ANK2: variants seen among roughly 807,000 people sequenced by gnomAD.
ANK2 encodes ankyrin 2.
Under a neutral mutation model 360.5 loss-of-function variants are expected in ANK2, and 83 were observed. That is an observed-to-expected ratio of 0.23 (90% confidence interval 0.19 to 0.28). The LOEUF (loss-of-function observed/expected upper bound fraction) is 0.28, where lower values mean the gene tolerates loss of function less well. ANK2 is among the 10% of genes least tolerant of loss of function. The pLI is 1.00. For synonymous variants in ANK2, 1,740 were observed against 1,759.5 expected, an observed-to-expected ratio of 0.99 and a Z score of 0.28; for missense variants, 4,201 against 4,795.7, an observed-to-expected ratio of 0.88 and a Z score of 3.66.
rs373458662 is a variant in ANK2 at position 113,111,155 on chromosome 4, A to C, written c.84+61343A>C. On this transcript the variant is annotated intron_variant, in intron 1 of 45. Coordinates refer to ENST00000357077, the MANE Select transcript of ANK2 (RefSeq NM_001148.6). ...CATGGCTTAAATTTAGAGTCACATAAAGAATAACAATTAAAAATAGTTCTG... is the reference window on the plus strand; with the variant it reads ...CATGGCTTAAATTTAGAGTCACATACAGAATAACAATTAAAAATAGTTCTG... 7.9e-5 allele frequency among the ~76,000 whole-genome samples: 12 copies of C among 152,328 alleles called. No homozygotes were observed. The East Asian group carries it at 2.3e-3, about 29-fold the overall frequency.
chr4:113,078,587 T>A (rs1200002389), intron 1 of ANK2, among the ~76,000 whole-genome samples: 2 of 152,152 alleles, frequency 1.3e-5, no homozygotes, highest in African/African-American at 2.4e-5. Context: ...ATTCTTCTCA[T>A]CAGTCCTGTG....
chr4:113,188,030 C>G (rs1025609158), intron 2 of ANK2, among the ~76,000 whole-genome samples: 12 of 152,130 alleles, frequency 7.9e-5, no homozygotes, highest in Admixed American at 5.9e-4. Context: ...CAACATACTT[C>G]TCTACTTTAA....
At chr4:113,207,656 T>C (rs2098967721) in intron 4 of ANK2, among the ~76,000 whole-genome samples, 1 of 122,756 alleles carries the variant, frequency 8.1e-6, no homozygotes, top group Non-Finnish European at 1.7e-5. Context: ...AGAACCAAAA[T>C]GGTGATCCTT....
the ANK2 span, among the ~76,000 whole-genome samples, chr4:112,792,916 AT>A: frequency 6.6e-5 from 10 of 152,188 alleles, no homozygotes; most frequent in Non-Finnish European, 1.5e-4. Flanking sequence ...AAACATGCTT[AT>A]TATAGCATCT....
chr4:113,373,026 T>G, intron 43 of ANK2, 64 bp from the exon 44 acceptor site: 1 of 1,297,498 alleles, frequency 7.7e-7, no homozygotes, highest in Non-Finnish European at 1.1e-6. Context: ...TTATAAGCAC[T>G]TGGGAGTAGT....
At position 112,969,833 on chromosome 4, in the gene ANK2, C is replaced by T. The variant is rs182342153; in HGVS notation, c.21+65319C>T. Among the ~76,000 whole-genome samples the T allele has an allele frequency of 9.5e-4, 145 of 152,180 alleles. 4 individuals carry two copies. The highest frequency in any genetic ancestry group is 3.1e-3 in the African/African-American group (129 of 41,496). On this transcript the variant is annotated intron_variant, in intron 2 of 30. Coordinates refer to the ANK2 transcript ENST00000503271. ...TTTGATAATATGTATTATATTTTCT[C>T]ATATGTAAGCTGAGCTCTGTAGGAG...
At chr4:113,145,674 G>A in intron 1 of ANK2, 1 of 1,134,036 alleles carries the variant, frequency 8.8e-7, no homozygotes, top group Non-Finnish European at 1.1e-6. Flanking sequence ...CAGTTGCCGG[G>A]GGTTTTGAGT....
chr4:112,953,258 T>C (rs1319120928), intron 2 of ANK2, among the ~76,000 whole-genome samples: 1 of 152,256 alleles, frequency 6.6e-6, no homozygotes, highest in Non-Finnish European at 1.5e-5. Flanking sequence ...GATGCAGGTC[T>C]AGAAATGCAG....
chr4:113,197,707 C>A (rs1428149859), intron 3 of ANK2, among the ~76,000 whole-genome samples: 1 of 152,160 alleles, frequency 6.6e-6, no homozygotes, highest in Non-Finnish European at 1.5e-5. Context: ...GCAATTCTAG[C>A]AGAAATTAAA....
At chr4:113,127,367 C>A (rs1362043053) in intron 1 of ANK2, among the ~76,000 whole-genome samples, 1 of 151,860 alleles carries the variant, frequency 6.6e-6, no homozygotes, top group African/African-American at 2.4e-5. Flanking sequence ...TCTCAAGTAA[C>A]TTCCCTTTTA....
intron 2 of ANK2, among the ~76,000 whole-genome samples, chr4:112,925,084 C>T (rs557610435): frequency 5.7e-4 from 86 of 152,014 alleles, no homozygotes; most frequent in Non-Finnish European, 1.1e-3. Context: ...ATGATCTATC[C>T]GCCTCGGCCT....
chr4:112,705,697 CAT>C, the ANK2 span, among the ~76,000 whole-genome samples: 2 of 152,242 alleles, frequency 1.3e-5, no homozygotes, highest in African/African-American at 4.8e-5. Context: ...GTCAGTGGTG[CAT>C]ATAGACATAT....
In ANK2 at chr4:113,354,041, C is replaced by T; in HGVS notation, c.5423C>T (p.Ala1808Val). 1 of 1,614,074 alleles carries T rather than the reference C, an allele frequency of 6.2e-7. No individual in the cohort carries two copies. Among genetic ancestry groups the T allele is most frequent in the Non-Finnish European group, 8.5e-7 (1 of 1,179,996 alleles). The part of the protein sequence containing the change: ...PKKTTHRPHP[A>V]ASPSLKSERH... ...AAGACCACCCACAGGCCACATCCAG[C>T]TGCGTCACCCTCTCTGAAGTCAGAG... is the stretch of plus-strand genomic sequence containing the variant. Residue 1808 changes from alanine to valine, a missense_variant, in exon 38 of 46, where the codon GCT becomes GTT. Ala to Val is a moderately conservative substitution (Grantham distance 64, BLOSUM62 0). This residue lies in a region of ANK2 where 2,642 missense variants were observed against 2,714.5 expected (regional missense o/e 0.97). Transcript: ENST00000357077.
In ANK2 at chr4:113,199,685, G is replaced by A. The variant is rs553384659; in HGVS notation, c.384+576G>A. 1.6e-4 allele frequency among the ~76,000 whole-genome samples: 24 copies of A among 152,128 alleles called. No homozygotes were observed. The South Asian group carries it at 2.9e-3, about 18-fold the overall frequency. Reference sequence around the variant, plus strand: ...TTTCTGGTGGAAAAGGGGAGAAAATGTTGTTTTGCCCAAAGCTTTACTCTT... The same window carrying A: ...TTTCTGGTGGAAAAGGGGAGAAAATATTGTTTTGCCCAAAGCTTTACTCTT... On this transcript the variant is annotated intron_variant, in intron 4 of 45. Transcript: ENST00000357077.
chr4:112,824,915 A>T (rs894331882), intron 1 of ANK2, among the ~76,000 whole-genome samples: 2 of 139,684 alleles, frequency 1.4e-5, no homozygotes, highest in African/African-American at 5.7e-5. Context: ...ATGATTTGGT[A>T]AAAAAACCAG....
At chr4:112,924,178 G>A (rs566835074) in intron 2 of ANK2, among the ~76,000 whole-genome samples, 1 of 152,076 alleles carries the variant, frequency 6.6e-6, no homozygotes, top group African/African-American at 2.4e-5. Flanking sequence ...GACCAGCCTG[G>A]CCAACATGGT....
the ANK2 span, among the ~76,000 whole-genome samples, chr4:112,718,043 A>G: frequency 5.3e-5 from 8 of 152,340 alleles, no homozygotes; most frequent in African/African-American, 1.9e-4. Context: ...ATCCACTTCT[A>G]AACATTTGCA....
chr4:113,192,921 A>AT (rs5861126), intron 2 of ANK2, among the ~76,000 whole-genome samples: 2,780 of 110,228 alleles, frequency 0.025, 45 homozygotes, highest in Non-Finnish European at 0.037. Context: ...GGATTGCATT[A>AT]TTTAAAAAAA....
the ANK2 span, among the ~76,000 whole-genome samples, chr4:112,777,725 C>A: frequency 1.3e-5 from 2 of 149,922 alleles, no homozygotes; most frequent in Non-Finnish European, 3.0e-5. Context: ...TCAACCGATT[C>A]TCCTGCCTCA....
Sources: gnomAD v4.1 joint callset for allele counts (sites outside exome capture counted in the v4.1 genomes callset) on GRCh38, gnomAD v4.1.1 for gene constraint, gnomAD v4.1.1 regional missense constraint, MANE v1.5 for transcripts, NCBI Gene and HGNC (gene_info 2026-07-23, HGNC 2026-07-21) for gene names.